FER: variants seen among roughly 807,000 people sequenced by gnomAD.
FER encodes the protein tyrosine-protein kinase Fer.
In FER, 63 loss-of-function variants were observed where a neutral mutation model predicts 111.0. The observed-to-expected ratio is 0.57, with a 90% CI of 0.46 to 0.70. The LOEUF (loss-of-function observed/expected upper bound fraction) is 0.70, where lower values mean the gene tolerates loss of function less well. FER is among the 30% of genes least tolerant of loss of function. The pLI, the probability that FER is intolerant of heterozygous loss-of-function variation, is 0.00. For missense variants in FER, 914 were observed against 954.0 expected (o/e 0.96, Z 0.55); for synonymous variants, 327 against 313.9 (o/e 1.04, Z -0.44).
chr5:108,995,553 T>C (rs1468041965), intron 13 of FER, among the ~76,000 whole-genome samples: 1 of 152,110 alleles, frequency 6.6e-6, no homozygotes, highest in Non-Finnish European at 1.5e-5. Flanking sequence ...TGCTGAGAAT[T>C]ATAGTTTTCA....
intron 8 of FER, 61 bp from the exon 9 acceptor site, chr5:108,883,335 T>C (rs1471115859): frequency 1.4e-6 from 2 of 1,456,788 alleles, no homozygotes; most frequent in Admixed American, 2.2e-5. Context: ...GAATACTTTT[T>C]TGATATGTAT....
chr5:109,148,715 T>G (rs1461126923), intron 17 of FER, among the ~76,000 whole-genome samples: 1 of 152,192 alleles, frequency 6.6e-6, no homozygotes. Context: ...GATAATTTCC[T>G]TATGTAAAAT....
At chr5:108,853,267 T>C (rs1374640146) in intron 5 of FER, among the ~76,000 whole-genome samples, 3 of 152,206 alleles carry the variant, frequency 2.0e-5, no homozygotes, top group Non-Finnish European at 4.4e-5. Context: ...TAAGAACTAT[T>C]TGTTGAGTTC....
chr5:108,758,358 TTAATTC>T (rs1279862366), intron 1 of FER, among the ~76,000 whole-genome samples: 1 of 152,162 alleles, frequency 6.6e-6, no homozygotes, highest in Non-Finnish European at 1.5e-5. Flanking sequence ...GACAAATAAT[TTAATTC>T]TTATAACTTT....
At chr5:108,854,946 C>CAAAAAAAAA (rs34850507) in intron 5 of FER, among the ~76,000 whole-genome samples, 4 of 36,644 alleles carry the variant, frequency 1.1e-4, no homozygotes, top group African/African-American at 3.8e-4. Flanking sequence ...GACCCTGTCT[C>CAAAAAAAAA]AAAAAAAAAA....
intron 16 of FER, among the ~76,000 whole-genome samples, chr5:109,086,646 C>T (rs1414445092): frequency 6.6e-6 from 1 of 151,674 alleles, no homozygotes; most frequent in East Asian, 1.9e-4. Flanking sequence ...CTGACATAAG[C>T]ATTGAAAGCT....
chr5:108,911,970 T>G (rs1447862102), intron 10 of FER, among the ~76,000 whole-genome samples: 1 of 152,146 alleles, frequency 6.6e-6, no homozygotes, highest in Non-Finnish European at 1.5e-5. Context: ...ACGAGGGCAG[T>G]TTTCCCCATA....
intron 4 of FER, among the ~76,000 whole-genome samples, chr5:108,833,873 C>CAA (rs59216791): frequency 4.8e-5 from 5 of 103,386 alleles, no homozygotes; most frequent in African/African-American, 7.1e-5. Context: ...GACTCCGTCT[C>CAA]AAAAAAAAAA....
intron 13 of FER, among the ~76,000 whole-genome samples, chr5:108,992,295 A>G (rs1419241876): frequency 6.6e-6 from 1 of 152,226 alleles, no homozygotes; most frequent in Non-Finnish European, 1.5e-5. Flanking sequence ...AGACACGGCA[A>G]TCATCCGATT....
intron 19 of FER, 140 bp downstream of exon 19, chr5:109,186,462 T>A: frequency 8.3e-7 from 1 of 1,209,648 alleles, no homozygotes; most frequent in South Asian, 1.4e-5. Context: ...CAGAAGCAGA[T>A]TTATCTAACA....
At chr5:108,807,549 G>T (rs1022129558) in intron 3 of FER, among the ~76,000 whole-genome samples, 1 of 152,094 alleles carries the variant, frequency 6.6e-6, no homozygotes, top group Non-Finnish European at 1.5e-5. Context: ...TATCAACCTT[G>T]TTTATCCTTT....
chr5:108,753,947 A>G (rs998777529), intron 1 of FER, among the ~76,000 whole-genome samples: 8 of 152,208 alleles, frequency 5.3e-5, no homozygotes, highest in African/African-American at 1.7e-4. Context: ...CCGTCCAGGT[A>G]CAAGATATTT....
At position 108,764,336 on chromosome 5, in the gene FER, T is replaced by C. The variant is rs570044363; in HGVS notation, c.-205-3757T>C. On this transcript the variant is annotated intron_variant, in intron 1 of 19. Transcript: ENST00000281092. ...TCATTTATTTTTTACCTACCACATA[T>C]CATGAACAAGAAATTTTCTTTGAAA... is the stretch of plus-strand genomic sequence containing the variant. 2.2e-4 allele frequency among the ~76,000 whole-genome samples: 34 copies of C among 152,268 alleles called. No individual in the cohort carries two copies. The South Asian group carries it at 6.2e-3, about 28-fold the overall frequency.
intron 12 of FER, among the ~76,000 whole-genome samples, chr5:108,958,180 A>G (rs1283878954): frequency 2.6e-5 from 4 of 151,762 alleles, no homozygotes; most frequent in Non-Finnish European, 4.4e-5. Context: ...GATACATTCA[A>G]TCTTTTTTAT....
At chr5:108,841,569 C>T (rs1761271685) in intron 5 of FER, among the ~76,000 whole-genome samples, 1 of 152,128 alleles carries the variant, frequency 6.6e-6, no homozygotes, top group South Asian at 2.1e-4. Flanking sequence ...CATGATGTGC[C>T]TTAACAACTC....
chr5:108,953,075 A>C (rs1450800164), intron 11 of FER, among the ~76,000 whole-genome samples: 2 of 152,058 alleles, frequency 1.3e-5, no homozygotes, highest in Non-Finnish European at 2.9e-5. Context: ...AATTAGATGC[A>C]CTATCATAAA....
chr5:108,938,580 G>C (rs1755834843), intron 10 of FER, among the ~76,000 whole-genome samples: 1 of 151,974 alleles, frequency 6.6e-6, no homozygotes, highest in Non-Finnish European at 1.5e-5. Context: ...AGACAGGGTA[G>C]CAAGGGAATT....
chr5:108,877,334 G>A (rs79412456), intron 8 of FER, among the ~76,000 whole-genome samples: 1 of 152,148 alleles, frequency 6.6e-6, no homozygotes, highest in African/African-American at 2.4e-5. Context: ...TTGAAGTCAG[G>A]TGACATGTCG....
At chr5:108,967,346 G>T (rs1304200988) in intron 13 of FER, among the ~76,000 whole-genome samples, 1 of 152,178 alleles carries the variant, frequency 6.6e-6, no homozygotes, top group Non-Finnish European at 1.5e-5. Context: ...TTCTCTCCCA[G>T]TGTGGCTAAG....
Sources: gnomAD v4.1 joint callset for allele counts (sites outside exome capture counted in the v4.1 genomes callset) on GRCh38, gnomAD v4.1.1 for gene constraint, MANE v1.5 for transcripts, NCBI Gene and HGNC (gene_info 2026-07-23, HGNC 2026-07-21) for gene names.